The following VOPP1 variants were observed in gnomAD, a reference collection of about 807,000 sequenced individuals.
VOPP1 encodes VOPP1 WW domain binding protein.
VOPP1 carries 8 observed loss-of-function variants against 23.5 expected under a neutral mutation model. The ratio of observed to expected loss-of-function variants is 0.34; its 90% CI spans 0.20 to 0.61. The LOEUF (loss-of-function observed/expected upper bound fraction) is 0.61, where lower values mean the gene tolerates loss of function less well. Among genes scored for constraint, VOPP1 ranks in the 20% least tolerant of loss-of-function variants. The pLI is 0.78. For missense variants in VOPP1, 174 were observed against 238.1 expected (o/e 0.73, Z 1.77); for synonymous variants, 83 against 97.3 (o/e 0.85, Z 0.86).
At chr7:55,542,251 T>G (rs1468212839) in intron 1 of VOPP1, among the ~76,000 whole-genome samples, 1 of 152,204 alleles carries the variant, frequency 6.6e-6, no homozygotes, top group Non-Finnish European at 1.5e-5. Flanking sequence ...TATTTATCAC[T>G]TCCTGTGTTG....
chr7:55,467,392 C>T (rs149718124), downstream of VOPP1, among the ~76,000 whole-genome samples: 152 of 152,332 alleles, frequency 1.0e-3, no homozygotes, highest in African/African-American at 3.3e-3. Context: ...TCAATCTCCC[C>T]GGTCCCTACC....
Position 55,472,945 on chromosome 7 carries a change from G to C in VOPP1, c.429C>G (p.Asn143Lys). The C allele has an allele frequency of 6.3e-7, 1 of 1,585,386 alleles. No individual in the cohort carries two copies. The highest frequency in any genetic ancestry group is 8.6e-7 in the Non-Finnish European group (1 of 1,169,364). ...GGCAGGCCACACTCCCCTGGGGTGA[G>C]TTGGGTGGGACCTGGAAAGCCATTG... is the stretch of plus-strand genomic sequence containing the variant. The part of the protein sequence containing the change: ...SMAMAFQVPP[N>K]SPQGSVACPP... Residue 143 changes from asparagine (N) to lysine (K), a missense_variant, in exon 5 of 5, where the codon AAC (asparagine) becomes AAG (lysine). Transcript: ENST00000285279.
chr7:55,519,126 T>A (rs1357319111), intron 2 of VOPP1, among the ~76,000 whole-genome samples: 1 of 152,204 alleles, frequency 6.6e-6, no homozygotes, highest in Non-Finnish European at 1.5e-5. Flanking sequence ...TACCTGCTGG[T>A]ACTCTCACGC....
At chr7:55,462,799 G>T (rs1359515276) in intron 4 of VOPP1, among the ~76,000 whole-genome samples, 1 of 149,838 alleles carries the variant, frequency 6.7e-6, no homozygotes, top group East Asian at 1.9e-4. Flanking sequence ...GGGACTACAG[G>T]CGCCCGCCAC....
chr7:55,439,071 G>A (rs1024453168), intron 4 of VOPP1, among the ~76,000 whole-genome samples: 9 of 152,182 alleles, frequency 5.9e-5, no homozygotes, highest in African/African-American at 2.2e-4. Context: ...GTTTATTAGA[G>A]GCGGGCGAGT....
At chr7:55,535,693 C>A (rs1297515796) in intron 1 of VOPP1, among the ~76,000 whole-genome samples, 1 of 152,192 alleles carries the variant, frequency 6.6e-6, no homozygotes, top group Non-Finnish European at 1.5e-5. Context: ...CCCCTTGGGG[C>A]TCTGATTAAA....
In VOPP1 at chr7:55,471,747, C is replaced by T. The variant is rs985313973; in HGVS notation, c.*1108G>A. 2 of 151,746 alleles carry T rather than the reference C, an allele frequency of 1.3e-5. No individual in the cohort carries two copies. Among genetic ancestry groups the T allele is most frequent in the Non-Finnish European group, 2.9e-5 (2 of 67,960 alleles). 9.4% of individuals were successfully genotyped at this position (151,746 alleles called of 1,614,324 possible). Reference sequence around the variant, plus strand: ...TCTAATTATGACAACATGGTCAGTGCAGTTGAGTCAGTACTTCTCCTGTCT... The same window carrying T: ...TCTAATTATGACAACATGGTCAGTGTAGTTGAGTCAGTACTTCTCCTGTCT... On this transcript the variant is annotated 3_prime_UTR_variant, in exon 5 of 5. Transcript: ENST00000285279.
intron 2 of VOPP1, among the ~76,000 whole-genome samples, chr7:55,498,463 C>T (rs1189491510): frequency 1.3e-5 from 2 of 152,148 alleles, no homozygotes; most frequent in African/African-American, 2.4e-5. Flanking sequence ...GTGAGGCACT[C>T]GGTGCCCTCG....
At chr7:55,470,393 C>T (rs1791747789), downstream of VOPP1, among the ~76,000 whole-genome samples, 3 of 152,156 alleles carry the variant, frequency 2.0e-5, no homozygotes, top group African/African-American at 7.2e-5. Context: ...CAGTACATTA[C>T]TTCAGCGATG....
intron 4 of VOPP1, among the ~76,000 whole-genome samples, chr7:55,460,482 A>C (rs1215839319): frequency 6.6e-6 from 1 of 152,162 alleles, no homozygotes; most frequent in Non-Finnish European, 1.5e-5. Context: ...ATCTGTTAAA[A>C]ATGCTGAGAG....
At chr7:55,522,118 G>A (rs1230931411) in intron 1 of VOPP1, among the ~76,000 whole-genome samples, 1 of 152,218 alleles carries the variant, frequency 6.6e-6, no homozygotes, top group East Asian at 1.9e-4. Flanking sequence ...TCCGGTGGGA[G>A]GGTGGCTGGA....
chr7:55,558,157 A>AAGTACACTACTCTAAGT (rs1383574116), intron 1 of VOPP1, among the ~76,000 whole-genome samples: 3 of 152,150 alleles, frequency 2.0e-5, no homozygotes, highest in Non-Finnish European at 4.4e-5. Context: ...TCCTGCAGTT[A>AAGTACACTACTCTAAGT]ACACTACTCT....
chr7:55,525,672 C>A lies in VOPP1; in HGVS notation c.55-4542G>T, dbSNP rs867195478. On this transcript the variant is annotated intron_variant, in intron 1 of 4. Transcript: ENST00000285279. Reference sequence around the variant, plus strand: ...AGGTTCATCTTACGTGGTACTCGATCATCTAGGCAGAAGCAATGCTACCAA... The same window carrying A: ...AGGTTCATCTTACGTGGTACTCGATAATCTAGGCAGAAGCAATGCTACCAA... Among the ~76,000 whole-genome samples, 37 of 151,322 alleles carry A rather than the reference C, an allele frequency of 2.4e-4. No individual in the cohort carries two copies. In the Middle Eastern group the frequency reaches 0.017, roughly 70 times the overall value.
intron 1 of VOPP1, chr7:55,561,760 A>C (rs527791644): frequency 1.3e-4 from 61 of 484,654 alleles, no homozygotes; most frequent in African/African-American, 4.4e-4. Flanking sequence ...AAAAAAAAAA[A>C]AAACAAACAA....
chr7:55,476,431 G>A (rs796084027), intron 4 of VOPP1, among the ~76,000 whole-genome samples: 1 of 144,654 alleles, frequency 6.9e-6, no homozygotes, highest in African/African-American at 2.5e-5. Context: ...TGGCGTGTCG[G>A]GGGGGTGGGC....
At chr7:55,546,523 T>A (rs1040219446) in intron 1 of VOPP1, among the ~76,000 whole-genome samples, 2 of 152,212 alleles carry the variant, frequency 1.3e-5, no homozygotes, top group African/African-American at 4.8e-5. Context: ...AATAGCAATA[T>A]ACCAATGTTG....
chr7:55,511,293 C>G (rs929115167), intron 2 of VOPP1, among the ~76,000 whole-genome samples: 3 of 152,074 alleles, frequency 2.0e-5, no homozygotes, highest in Non-Finnish European at 4.4e-5. Context: ...AGCAGTCGGA[C>G]GGTATTTAGT....
At chr7:55,456,959 TCTAG>T (rs1482909338) in intron 4 of VOPP1, among the ~76,000 whole-genome samples, 4 of 152,116 alleles carry the variant, frequency 2.6e-5, no homozygotes, top group South Asian at 2.1e-4. Flanking sequence ...AATATTCTCT[TCTAG>T]CTATTATAAA....
At chr7:55,559,061 G>A (rs1584120462) in intron 1 of VOPP1, among the ~76,000 whole-genome samples, 1 of 152,122 alleles carries the variant, frequency 6.6e-6, no homozygotes, top group Non-Finnish European at 1.5e-5. Context: ...AAGTCACTAA[G>A]TATCCAGTGG....
Sources: gnomAD v4.1 joint callset for allele counts (sites outside exome capture counted in the v4.1 genomes callset) on GRCh38, gnomAD v4.1.1 for gene constraint, MANE v1.5 for transcripts, NCBI Gene and HGNC (gene_info 2026-07-23, HGNC 2026-07-21) for gene names.